Variants in GRM1 observed in about 807,000 individuals in gnomAD.
GRM1 encodes the protein metabotropic glutamate receptor 1.
Under a neutral mutation model 90.9 loss-of-function variants are expected in GRM1, and 33 were observed. The observed-to-expected ratio is 0.36, with a 90% CI of 0.28 to 0.49. The LOEUF (loss-of-function observed/expected upper bound fraction) is 0.49. Among genes scored for constraint, GRM1 ranks in the 20% least tolerant of loss-of-function variants. The probability of loss-of-function intolerance (pLI) is 0.99; values close to 1 mark genes in which losing one functional copy is unlikely to be tolerated. For synonymous variants in GRM1, 700 were observed against 613.2 expected, an observed-to-expected ratio of 1.14 and a Z score of -2.09; for missense variants, 1,190 against 1,534.3, an observed-to-expected ratio of 0.78 and a Z score of 3.75.
At chr6:146,072,570 A>G (rs1021924138) in intron 1 of GRM1, among the ~76,000 whole-genome samples, 4 of 152,178 alleles carry the variant, frequency 2.6e-5, no homozygotes, top group Admixed American at 2.6e-4. Flanking sequence ...TTTACTGTAT[A>G]TATTTAAGGT....
intron 1 of GRM1, among the ~76,000 whole-genome samples, chr6:146,061,693 G>T (rs1309915955): frequency 1.3e-5 from 2 of 151,764 alleles, no homozygotes; most frequent in Non-Finnish European, 2.9e-5. Context: ...AGACATTTAT[G>T]CAGCCAACAA....
At chr6:146,083,382 C>T (rs567668085) in intron 1 of GRM1, among the ~76,000 whole-genome samples, 1 of 152,108 alleles carries the variant, frequency 6.6e-6, no homozygotes, top group Non-Finnish European at 1.5e-5. Flanking sequence ...TCATAAATAA[C>T]TCTTTTTATT....
chr6:146,285,899 TG>T (rs369180887), intron 2 of GRM1, among the ~76,000 whole-genome samples: 140 of 152,286 alleles, frequency 9.2e-4, no homozygotes, highest in Non-Finnish European at 1.4e-3. Context: ...CCTGGAAAAT[TG>T]GATATGCATA....
At chr6:146,233,941 A>G (rs1780535152) in intron 2 of GRM1, among the ~76,000 whole-genome samples, 1 of 152,200 alleles carries the variant, frequency 6.6e-6, no homozygotes, top group African/African-American at 2.4e-5. Flanking sequence ...TCTCCTTTCA[A>G]TTTTAAAAAG....
intron 7 of GRM1, among the ~76,000 whole-genome samples, chr6:146,424,859 A>ATT (rs1778139443): frequency 6.6e-6 from 1 of 152,308 alleles, no homozygotes; most frequent in Admixed American, 6.5e-5. Flanking sequence ...CATTTTACAT[A>ATT]TTACTTCCCA....
At chr6:146,138,613 A>T (rs563670935) in intron 1 of GRM1, among the ~76,000 whole-genome samples, 4 of 151,904 alleles carry the variant, frequency 2.6e-5, no homozygotes, top group Non-Finnish European at 5.9e-5. Flanking sequence ...GGTGGGTTGT[A>T]TGTGTCTAGG....
At chr6:146,181,449 A>G (rs1371656142) in intron 2 of GRM1, among the ~76,000 whole-genome samples, 2 of 152,198 alleles carry the variant, frequency 1.3e-5, no homozygotes, top group African/African-American at 4.8e-5. Flanking sequence ...TCAAGTGAGA[A>G]AAGAACATTT....
intron 1 of GRM1, among the ~76,000 whole-genome samples, chr6:146,086,486 A>G (rs1776549500): frequency 1.3e-5 from 2 of 152,098 alleles, no homozygotes; most frequent in Admixed American, 6.6e-5. Flanking sequence ...CACTCCTCTT[A>G]TTTTGGAGAG....
intron 5 of GRM1, 36 bp downstream of exon 5, chr6:146,357,730 A>T (rs767788577): frequency 1.3e-6 from 2 of 1,573,672 alleles, no homozygotes. Context: ...GGTATCTGTG[A>T]GGAGGTTGGC....
At chr6:146,045,324 G>C (rs879829166) in intron 1 of GRM1, among the ~76,000 whole-genome samples, 5 of 151,794 alleles carry the variant, frequency 3.3e-5, no homozygotes, top group African/African-American at 1.2e-4. Context: ...TCAAATTTCT[G>C]GTTACATCAA....
At chr6:146,068,181 A>G (rs1235954111) in intron 1 of GRM1, among the ~76,000 whole-genome samples, 2 of 150,032 alleles carry the variant, frequency 1.3e-5, no homozygotes, top group Non-Finnish European at 3.0e-5. Flanking sequence ...GCACGATCTC[A>G]GCTCACTCTG....
chr6:146,352,227 G>T lies in GRM1; in HGVS notation c.1187-23G>T, dbSNP rs138532560. 1.2e-5 allele frequency: 19 copies of T among 1,611,438 alleles called. No homozygotes were observed. The African/African-American group carries it at 2.3e-4, about 19-fold the overall frequency. On this transcript the variant is annotated intron_variant, in intron 3 of 7. Coordinates refer to ENST00000282753, the MANE Select transcript of GRM1 (RefSeq NM_001278064.2). ...AGTCTTTATCATTGTGACCTTGGTA[G>T]TGATCTATTTTTATTGTTACAGGCA...
intron 1 of GRM1, among the ~76,000 whole-genome samples, chr6:146,156,794 G>T (rs1777542052): frequency 6.6e-6 from 1 of 152,184 alleles, no homozygotes; most frequent in Non-Finnish European, 1.5e-5. Flanking sequence ...ATGTTCTAGA[G>T]ATAAGGGCTA....
At chr6:146,068,547 T>C (rs191576051) in intron 1 of GRM1, among the ~76,000 whole-genome samples, 144 of 152,322 alleles carry the variant, frequency 9.5e-4, no homozygotes, top group Admixed American at 2.1e-3. Context: ...GACCAAGGAA[T>C]GTGGCAAGTC....
intron 1 of GRM1, among the ~76,000 whole-genome samples, chr6:146,135,973 A>G (rs1425232442): frequency 6.6e-6 from 1 of 152,000 alleles, no homozygotes. Flanking sequence ...TCTACTCACT[A>G]TCTCTAAGAG....
chr6:146,434,608 G>A lies in GRM1; in HGVS notation c.3397G>A (p.Ala1133Thr). The change falls in exon 8 of 8, where the codon GCG (alanine) becomes ACG (threonine). Residue 1133 changes from alanine (A) to threonine (T), a missense_variant. Physicochemically the swap from Ala to Thr is moderately conservative, Grantham distance 58. Around this residue, in one of 10 missense-constraint regions of GRM1, gnomAD observed 400 missense variants for 360.8 expected, o/e 1.11. Transcript: ENST00000282753. ...GGAAGAGGAGGAGGAGGACCTGCAG[G>A]CGGCCAGCAAACTGACCCCGGATGA... ...ELEEEEEDLQAASKLTPDDSP... is the reference protein window; with the variant it reads ...ELEEEEEDLQTASKLTPDDSP... The A allele has an allele frequency of 6.2e-7, 1 of 1,613,258 alleles. No homozygotes were observed. The highest frequency in any genetic ancestry group is 1.1e-5 in the South Asian group (1 of 91,088).
intron 3 of GRM1, among the ~76,000 whole-genome samples, chr6:146,349,396 T>C (rs1785311688): frequency 6.6e-6 from 1 of 152,058 alleles, no homozygotes; most frequent in South Asian, 2.1e-4. Flanking sequence ...AGTATTATTG[T>C]AGATATGAAG....
At chr6:146,220,766 G>A (rs888003744) in intron 2 of GRM1, among the ~76,000 whole-genome samples, 1 of 152,112 alleles carries the variant, frequency 6.6e-6, no homozygotes, top group Non-Finnish European at 1.5e-5. Context: ...GACAAGGAGT[G>A]AGAGCGCACA....
chr6:146,413,428 A>G (rs909128790), intron 7 of GRM1, among the ~76,000 whole-genome samples: 2 of 151,934 alleles, frequency 1.3e-5, no homozygotes, highest in Non-Finnish European at 2.9e-5. Flanking sequence ...TTTTAATTTT[A>G]GGAAAGTTTT....
Sources: allele counts gnomAD v4.1 joint callset (sites outside exome capture counted in the v4.1 genomes callset), GRCh38; gene constraint gnomAD v4.1.1; regional missense constraint gnomAD v4.1.1; transcripts MANE v1.5; gene names NCBI Gene and HGNC (gene_info 2026-07-23, HGNC 2026-07-21).